Variants in DNAI2 observed in about 807,000 individuals in gnomAD.
DNAI2 encodes dynein axonemal intermediate chain 2.
DNAI2 carries 63 observed loss-of-function variants against 74.7 expected under a neutral mutation model. The observed-to-expected ratio is 0.84, with a 90% CI of 0.69 to 1.04. The LOEUF (loss-of-function observed/expected upper bound fraction) is 1.04, where lower values mean the gene tolerates loss of function less well. Among genes scored for constraint, DNAI2 ranks in the 50% least tolerant of loss-of-function variants. The pLI, the probability that DNAI2 is intolerant of heterozygous loss-of-function variation, is 0.00. For missense variants in DNAI2, 688 were observed against 803.2 expected (o/e 0.86, Z 1.73); for synonymous variants, 289 against 314.9 (o/e 0.92, Z 0.87).
intron 12 of DNAI2, 146 bp downstream of exon 12, chr17:74,312,376 G>C (rs1225244902): frequency 1.5e-6 from 1 of 678,450 alleles, no homozygotes; most frequent in East Asian, 2.7e-5. Context: ...TGGCAAGTGG[G>C]AAGAATTATT....
chr17:74,294,980 C>T (rs1238133597), intron 6 of DNAI2, among the ~76,000 whole-genome samples: 1 of 152,110 alleles, frequency 6.6e-6, no homozygotes, highest in Non-Finnish European at 1.5e-5. Flanking sequence ...TCTCAATTGA[C>T]CCATCTTCAC....
chr17:74,290,926 T>C (rs2052049712), intron 5 of DNAI2, 94 bp from the exon 6 acceptor site: 6 of 1,073,642 alleles, frequency 5.6e-6, no homozygotes, highest in Non-Finnish European at 4.4e-6. Context: ...TCTGCCACCA[T>C]GCCCCCGCTA....
chr17:74,276,685 C>T (rs1256662829), intron 1 of DNAI2, among the ~76,000 whole-genome samples: 6 of 152,188 alleles, frequency 3.9e-5, no homozygotes, highest in Non-Finnish European at 8.8e-5. Context: ...TCTGTTCTCA[C>T]TCGGGGCTTG....
At position 74,298,889 on chromosome 17, in the gene DNAI2, G is replaced by T. The variant is rs61689842; in HGVS notation, c.725-829G>T. On this transcript the variant is annotated intron_variant, in intron 6 of 13. Coordinates refer to ENST00000311014, the MANE Select transcript of DNAI2 (RefSeq NM_023036.6). Reference sequence around the variant, plus strand: ...TCCTTTTGCCTCGGCCTCCTAATGCGCTAGGATTACAAGCATGAGCCACTG... The same window carrying T: ...TCCTTTTGCCTCGGCCTCCTAATGCTCTAGGATTACAAGCATGAGCCACTG... 8.7e-3 allele frequency among the ~76,000 whole-genome samples: 1,318 copies of T among 152,204 alleles called. 16 individuals carry two copies. The highest frequency in any genetic ancestry group is 0.03 in the African/African-American group (1,257 of 41,526).
chr17:74,276,220 A>G (rs2051068522), intron 1 of DNAI2, among the ~76,000 whole-genome samples: 2 of 152,172 alleles, frequency 1.3e-5, no homozygotes, highest in African/African-American at 4.8e-5. Context: ...TTTTGTTTTT[A>G]TAGTGAGTGA....
intron 6 of DNAI2, among the ~76,000 whole-genome samples, chr17:74,291,362 C>T (rs2052087801): frequency 6.6e-6 from 1 of 152,040 alleles, no homozygotes; most frequent in South Asian, 2.1e-4. Flanking sequence ...CAGGGTTTCA[C>T]CATGTTGGCC....
intron 5 of DNAI2, among the ~76,000 whole-genome samples, chr17:74,290,636 G>T (rs2052030911): frequency 6.6e-6 from 1 of 152,288 alleles, no homozygotes; most frequent in African/African-American, 2.4e-5. Context: ...AGCCCTATGG[G>T]GTGGACTCCG....
chr17:74,310,153 T>C lies in DNAI2; in HGVS notation c.1484T>C (p.Val495Ala). The C allele has an allele frequency of 6.2e-7, 1 of 1,613,564 alleles. No individual in the cohort carries two copies. The highest frequency in any genetic ancestry group is 8.5e-7 in the Non-Finnish European group (1 of 1,180,024). ...LSTLQRNEKNVASSMFERETR... is the reference protein window; with the variant it reads ...LSTLQRNEKNAASSMFERETR... ...ACCCTCCAGAGGAATGAGAAGAACGTAGCCTCTTCCGTAAGCACCGGGTGC... is the reference window on the plus strand; with the variant it reads ...ACCCTCCAGAGGAATGAGAAGAACGCAGCCTCTTCCGTAAGCACCGGGTGC... Residue 495 changes from valine to alanine, a missense_variant, in exon 11 of 14, where the codon GTA (valine) becomes GCA (alanine). Transcript: ENST00000311014.
chr17:74,305,114 C>T, intron 8 of DNAI2, 105 bp from the exon 9 acceptor site: 2 of 1,199,432 alleles, frequency 1.7e-6, no homozygotes, highest in Non-Finnish European at 2.4e-6. Context: ...ATCTGAGGGC[C>T]TTTCTAGCGC....
rs1282053872 is a variant in DNAI2, at chr17:74,312,208, C to A, written c.1700C>A (p.Ala567Asp). 1.3e-6 allele frequency: 2 copies of A among 1,599,380 alleles called. No individual in the cohort carries two copies. Among genetic ancestry groups the A allele is most frequent in the Admixed American group, 3.4e-5 (2 of 58,738 alleles). ...GAGCTGAAGAAGAAGGAGGCAGACG[C>A]CATAAAGCTGACGCCAGTGCCTGTA... Reference protein sequence around the residue: ...FAELKKKEADAIKLTPVPQQP... With the variant: ...FAELKKKEADDIKLTPVPQQP... The change falls in exon 12 of 14, where the codon GCC becomes GAC. Residue 567 changes from alanine to aspartate, a missense_variant. Physicochemically the swap from Ala to Asp is moderately radical, Grantham distance 126. Coordinates refer to ENST00000311014, the MANE Select transcript of DNAI2 (RefSeq NM_023036.6).
chr17:74,314,380 C>T, intron 13 of DNAI2, 109 bp downstream of exon 13: 1 of 1,387,006 alleles, frequency 7.2e-7, no homozygotes. Flanking sequence ...AAATCACTAG[C>T]CCCCACTGAC....
At chr17:74,313,076 A>C (rs1386220102) in intron 12 of DNAI2, among the ~76,000 whole-genome samples, 1 of 152,268 alleles carries the variant, frequency 6.6e-6, no homozygotes, top group Non-Finnish European at 1.5e-5. Flanking sequence ...ATTTTAAAAC[A>C]GTGACAATAG....
chr17:74,290,230 C>T (rs868861751), intron 5 of DNAI2, among the ~76,000 whole-genome samples: 2 of 152,088 alleles, frequency 1.3e-5, no homozygotes, highest in Admixed American at 6.5e-5. Context: ...GCAGGAGAAT[C>T]GCTTGAACCC....
In DNAI2 at chr17:74,285,271, C is replaced by G; in HGVS notation, c.345+70C>G. Reference sequence around the variant, plus strand: ...TGCAGCTCCCCAAGGGATGCACTGCCCCAGCTGTGCCTGGCCATCGCTGTG... The same window carrying G: ...TGCAGCTCCCCAAGGGATGCACTGCGCCAGCTGTGCCTGGCCATCGCTGTG... On this transcript the variant is annotated intron_variant, in intron 3 of 13. Coordinates refer to ENST00000311014, the MANE Select transcript of DNAI2 (RefSeq NM_023036.6). 6.4e-6 allele frequency: 10 copies of G among 1,554,854 alleles called. No individual in the cohort carries two copies. In the South Asian group the frequency reaches 1.2e-4, roughly 18 times the overall value.
intron 12 of DNAI2, 94 bp downstream of exon 12, chr17:74,312,324 T>A: frequency 1.0e-6 from 1 of 990,730 alleles, no homozygotes; most frequent in Non-Finnish European, 1.5e-6. Flanking sequence ...CTGGGTGACC[T>A]TGAGCAAGTA....
At position 74,287,042 on chromosome 17, in the gene DNAI2, G is replaced by C; in HGVS notation, c.411G>C (p.Glu137Asp). 6.2e-7 allele frequency: 1 copy of C among 1,613,934 alleles called. No homozygotes were observed. The highest frequency in any genetic ancestry group is 8.5e-7 in the Non-Finnish European group (1 of 1,179,866). ...IDIYEEYFND[E>D]EAMEVMEEDP... ...TCTATGAAGAGTATTTCAATGACGA[G>C]GAGGCCATGGAAGTGATGGAGGAGG... Residue 137 changes from glutamate (E) to aspartate (D), a missense_variant, in exon 4 of 14, where the codon GAG becomes GAC. Glu to Asp is a conservative substitution (Grantham distance 45). Transcript: ENST00000311014.
intron 6 of DNAI2, 76 bp from the exon 7 acceptor site, chr17:74,299,642 T>C: frequency 6.3e-7 from 1 of 1,594,472 alleles, no homozygotes; most frequent in Non-Finnish European, 8.6e-7. Flanking sequence ...AGCAGCCCCC[T>C]CTCTCCCCTG....
chr17:74,294,298 C>CTTTTTTTTTT (rs113049803), intron 6 of DNAI2, among the ~76,000 whole-genome samples: 2 of 139,652 alleles, frequency 1.4e-5, no homozygotes, highest in Non-Finnish European at 3.1e-5. Flanking sequence ...CTTATCATTT[C>CTTTTTTTTTT]TTTTTTTTTT....
At chr17:74,288,001 T>C (rs2051852525) in intron 4 of DNAI2, among the ~76,000 whole-genome samples, 1 of 148,386 alleles carries the variant, frequency 6.7e-6, no homozygotes, top group Non-Finnish European at 1.5e-5. Flanking sequence ...TGATATGGAG[T>C]CATTTCCAGG....
Sources: gnomAD v4.1 joint callset for allele counts (sites outside exome capture counted in the v4.1 genomes callset) on GRCh38, gnomAD v4.1.1 for gene constraint, MANE v1.5 for transcripts, NCBI Gene and HGNC (gene_info 2026-07-23, HGNC 2026-07-21) for gene names.